The following PRKCD variants were observed in gnomAD, a reference collection of about 807,000 sequenced individuals.
PRKCD encodes the protein protein kinase C delta type.
In PRKCD, 20 loss-of-function variants were observed where a neutral mutation model predicts 82.2. The observed-to-expected ratio is 0.24, with a 90% CI of 0.17 to 0.35. The LOEUF (loss-of-function observed/expected upper bound fraction) is 0.35, where lower values mean the gene tolerates loss of function less well. Ranked by LOEUF, PRKCD falls within the 10% of genes least tolerant of loss-of-function variation. The pLI, the probability that PRKCD is intolerant of heterozygous loss-of-function variation, is 1.00. For synonymous variants in PRKCD, 317 were observed against 337.0 expected (o/e 0.94, Z 0.65); for missense variants, 607 against 899.0 (o/e 0.68, Z 4.15).
chr3:53,188,253 G>A (rs554384537), intron 15 of PRKCD, among the ~76,000 whole-genome samples: 3 of 139,296 alleles, frequency 2.2e-5, no homozygotes, highest in East Asian at 2.4e-4. Context: ...GCTTGTCCAC[G>A]CCTAGAATTG....
rs782708435 is a variant in PRKCD at position 53,181,933 on chromosome 3, C to T, written c.571+201C>T. On this transcript the variant is annotated intron_variant, in intron 7 of 18. Coordinates refer to ENST00000330452, the MANE Select transcript of PRKCD (RefSeq NM_006254.4). ...GGAAAACCAGTTCTGCGCATCTCTT[C>T]CCAGCTCCGCATTCAGTGACGGGGA... The T allele has an allele frequency of 5.8e-5, 45 of 780,192 alleles. No individual in the cohort carries two copies. In the Admixed American group the frequency reaches 6.2e-4, roughly 11 times the overall value. The allele number at this position is 780,192 out of a possible 1,614,324, so 48.3% of individuals were successfully genotyped here.
At chr3:53,191,159 T>C (rs1703910290) in intron 18 of PRKCD, among the ~76,000 whole-genome samples, 1 of 152,150 alleles carries the variant, frequency 6.6e-6, no homozygotes, top group Non-Finnish European at 1.5e-5. Flanking sequence ...ACCAGCACTT[T>C]GGGAGGCTGA....
rs1398084548 is a variant in PRKCD, at chr3:53,179,612, A to G, written c.151A>G (p.Met51Val). The part of the protein sequence containing the change: ...GKTLVQKKPT[M>V]YPEWKSTFDA... The stretch of plus-strand genomic sequence containing the variant: ...AACACTGGTGCAGAAGAAGCCGACC[A>G]TGTATCCTGAGTGGAAGTCGACGTT... Residue 51 changes from methionine (M) to valine (V), a missense_variant, in exon 4 of 19, where the codon ATG becomes GTG. By Grantham distance (21) the Met-to-Val change is conservative (BLOSUM62 1). This residue lies in a region of PRKCD where 161 missense variants were observed against 227.0 expected (regional missense o/e 0.71). Coordinates refer to ENST00000330452, the MANE Select transcript of PRKCD (RefSeq NM_006254.4). 3.1e-6 allele frequency: 5 copies of G among 1,614,094 alleles called. No individual in the cohort carries two copies. The Admixed American group carries it at 5.0e-5, about 16-fold the overall frequency.
chr3:53,162,261 G>A (rs1702693856), intron 1 of PRKCD, among the ~76,000 whole-genome samples: 1 of 145,694 alleles, frequency 6.9e-6, no homozygotes, highest in South Asian at 2.1e-4. Context: ...CCAGATGAGG[G>A]GAGGAGGTCG....
chr3:53,179,543 A>G (rs782062593), intron 3 of PRKCD, 34 bp from the exon 4 acceptor site: 5 of 1,613,718 alleles, frequency 3.1e-6, no homozygotes, highest in East Asian at 4.5e-5. Context: ...CAGAGGGGCC[A>G]TGGCCCAACC....
chr3:53,166,619 A>G (rs562630080), intron 2 of PRKCD, among the ~76,000 whole-genome samples: 1 of 152,334 alleles, frequency 6.6e-6, no homozygotes, highest in African/African-American at 2.4e-5. Flanking sequence ...GTTGGCATCC[A>G]TGCACTCAAA....
chr3:53,188,745 C>T lies in PRKCD; in HGVS notation c.1441C>T (p.Leu481=), dbSNP rs2306574. 1,246,719 of 1,613,980 alleles carry T rather than the reference C, an allele frequency of 0.77. 482,990 individuals carry two copies. Among genetic ancestry groups the T allele is most frequent in the East Asian group, 0.83 (37,019 of 44,868 alleles). The change falls in exon 16 of 19, where the codon CTG becomes TTG. Residue 481 remains leucine, a synonymous_variant. Coordinates refer to ENST00000330452, the MANE Select transcript of PRKCD (RefSeq NM_006254.4). Reference sequence around the variant, plus strand: ...GGACCTCAAACTGGACAATGTGCTGCTGGACCGGGATGGCCACATCAAGAT... The same window carrying T: ...GGACCTCAAACTGGACAATGTGCTGTTGGACCGGGATGGCCACATCAAGAT... ...YRDLKLDNVL[L]DRDGHIKIAD...
rs947130794 is a variant in PRKCD at position 53,185,465 on chromosome 3, C to T, written c.889-139C>T. The T allele has an allele frequency of 7.9e-5, 56 of 710,172 alleles. No homozygotes were observed. The South Asian group carries it at 8.6e-4, about 11-fold the overall frequency. The allele number at this position is 710,172 out of a possible 1,614,324, so 44.0% of individuals were successfully genotyped here. ...AGAGTGCGTGTGTGTACACGCAGCC[C>T]GAGTAGGGGGCCTGGGCTGTGCCCC... On this transcript the variant is annotated intron_variant, in intron 10 of 18. Transcript: ENST00000330452.
At position 53,169,879 on chromosome 3, in the gene PRKCD, A is replaced by G. The variant is rs1702960566; in HGVS notation, c.-20+4664A>G. Among the ~76,000 whole-genome samples the G allele has an allele frequency of 6.6e-6, 1 of 152,172 alleles. No individual in the cohort carries two copies. The highest frequency in any genetic ancestry group is 2.1e-4 in the South Asian group (1 of 4,832). ...CAGAGCACTTGGGCCAAGATCGCGGAGCACCCAGGCAGCAGATCTGAGCTA... is the reference window on the plus strand; with the variant it reads ...CAGAGCACTTGGGCCAAGATCGCGGGGCACCCAGGCAGCAGATCTGAGCTA... On this transcript the variant is annotated intron_variant, in intron 2 of 18. Coordinates refer to ENST00000330452, the MANE Select transcript of PRKCD (RefSeq NM_006254.4). This position sits in a 1 kb window ranked among gnomAD's most constrained non-coding sequence, Gnocchi z 4.7.
chr3:53,181,304 G>C (rs1703431724), intron 5 of PRKCD, 37 bp downstream of exon 5: 1 of 1,610,574 alleles, frequency 6.2e-7, no homozygotes, highest in African/African-American at 1.4e-5. Context: ...TCCCTTGCCG[G>C]GTTCAGAGGC....
intron 2 of PRKCD, among the ~76,000 whole-genome samples, chr3:53,168,281 G>A (rs975365364): frequency 6.6e-6 from 1 of 152,228 alleles, no homozygotes; most frequent in South Asian, 2.1e-4. Context: ...GGCAGCTGGG[G>A]GCAGGGCCCA....
rs189056362 is a variant in PRKCD, at chr3:53,175,314, C to T, written c.-19-3090C>T. ...GGATGCGAGTGCGCTTTGTAAACTG[C>T]GAAGGGAGGTGCACAGTGAGGGATG... On this transcript the variant is annotated intron_variant, in intron 2 of 18. Coordinates refer to ENST00000330452, the MANE Select transcript of PRKCD (RefSeq NM_006254.4). 5.3e-5 allele frequency among the ~76,000 whole-genome samples: 8 copies of T among 152,184 alleles called. No individual in the cohort carries two copies. In the East Asian group the frequency reaches 1.2e-3, roughly 22 times the overall value.
chr3:53,178,376 G>T (rs1054705156), intron 2 of PRKCD, 28 bp from the exon 3 acceptor site: 2 of 1,533,464 alleles, frequency 1.3e-6, no homozygotes, highest in African/African-American at 1.4e-5. Flanking sequence ...CCGCCCGGCC[G>T]CCTGGCCTCA....
At chr3:53,179,474 G>A (rs1553666680) in intron 3 of PRKCD, 103 bp from the exon 4 acceptor site, 1 of 1,476,236 alleles carries the variant, frequency 6.8e-7, no homozygotes, top group East Asian at 2.3e-5. Flanking sequence ...AGGCCCTCAA[G>A]GCAGGAGAGT....
At chr3:53,167,931 C>A (rs1345200721) in intron 2 of PRKCD, among the ~76,000 whole-genome samples, 1 of 152,230 alleles carries the variant, frequency 6.6e-6, no homozygotes, top group African/African-American at 2.4e-5. Flanking sequence ...AGCAGCTCCA[C>A]CCACTCAGCA....
intron 2 of PRKCD, among the ~76,000 whole-genome samples, chr3:53,168,765 C>A (rs183119691): frequency 8.4e-4 from 118 of 139,896 alleles, no homozygotes; most frequent in African/African-American, 2.9e-3. Flanking sequence ...AAGGGGTCAG[C>A]GTGGCTGGGG....
chr3:53,176,652 TGCACA>T (rs1186042354), intron 2 of PRKCD, among the ~76,000 whole-genome samples: 2 of 152,226 alleles, frequency 1.3e-5, no homozygotes, highest in Non-Finnish European at 2.9e-5. Flanking sequence ...CATAGGTGCT[TGCACA>T]CCTGTGTGTC....
At chr3:53,190,040 A>G in intron 18 of PRKCD, 39 bp downstream of exon 18, 1 of 1,610,692 alleles carries the variant, frequency 6.2e-7, no homozygotes, top group Non-Finnish European at 8.5e-7. Context: ...AGGCTGAGCT[A>G]CTCCTCTCCT....
chr3:53,182,146 G>A (rs1306856474), intron 7 of PRKCD, among the ~76,000 whole-genome samples: 1 of 152,210 alleles, frequency 6.6e-6, no homozygotes, highest in Non-Finnish European at 1.5e-5. Context: ...CCCTGAGGGT[G>A]TATACACGAG....
Sources: allele counts gnomAD v4.1 joint callset (sites outside exome capture counted in the v4.1 genomes callset), GRCh38; gene constraint gnomAD v4.1.1; regional missense constraint gnomAD v4.1.1; non-coding constraint Gnocchi (gnomAD v3.1); transcripts MANE v1.5; gene names NCBI Gene and HGNC (gene_info 2026-07-23, HGNC 2026-07-21).